WDR47: variants seen among roughly 807,000 people sequenced by gnomAD.
WDR47 encodes WD repeat domain 47, also known as WD repeat-containing protein 47.
In WDR47, 32 loss-of-function variants were observed where a neutral mutation model predicts 97.2. The ratio of observed to expected loss-of-function variants is 0.33; its 90% CI spans 0.25 to 0.44. WDR47 has a LOEUF of 0.44. WDR47 is among the 20% of genes least tolerant of loss of function. WDR47 has a pLI of 1.00. For synonymous variants in WDR47, 375 were observed against 373.5 expected, an observed-to-expected ratio of 1.00 and a Z score of -0.05; for missense variants, 782 against 1,102.3, an observed-to-expected ratio of 0.71 and a Z score of 4.11.
chr1:109,001,810 G>C (rs1660214513), intron 7 of WDR47, among the ~76,000 whole-genome samples: 1 of 152,132 alleles, frequency 6.6e-6, no homozygotes, highest in Non-Finnish European at 1.5e-5. Flanking sequence ...AGGATCACTT[G>C]AGCCCAGGAA....
At chr1:108,986,936 G>T in intron 9 of WDR47, 1 of 309,686 alleles carries the variant, frequency 3.2e-6, no homozygotes, top group Non-Finnish European at 6.3e-6. Flanking sequence ...AAACCACTAA[G>T]ATACTTCCAG....
At chr1:108,986,809 C>T in intron 9 of WDR47, 129 bp from the exon 10 acceptor site, 2 of 748,344 alleles carry the variant, frequency 2.7e-6, no homozygotes, top group Non-Finnish European at 4.2e-6. Context: ...CTGCCAATAA[C>T]CATATATTCT....
intron 1 of WDR47, among the ~76,000 whole-genome samples, chr1:109,029,457 C>T (rs1318627660): frequency 6.6e-6 from 1 of 151,942 alleles, no homozygotes; most frequent in East Asian, 1.9e-4. Flanking sequence ...GTCAGGAGTT[C>T]GAAACCAGCC....
At chr1:108,995,091 CTAA>C (rs536694327) in intron 8 of WDR47, among the ~76,000 whole-genome samples, 371 of 152,282 alleles carry the variant, frequency 2.4e-3, no homozygotes, top group African/African-American at 8.7e-3. Flanking sequence ...CACTTGTATA[CTAA>C]TGATAGCAAG....
chr1:109,029,207 A>C (rs1662439656), intron 1 of WDR47, among the ~76,000 whole-genome samples: 1 of 152,202 alleles, frequency 6.6e-6, no homozygotes, highest in African/African-American at 2.4e-5. Flanking sequence ...TAGAAATCTA[A>C]GATTAAAGGT....
At chr1:108,978,178 T>TA (rs71593456) in intron 13 of WDR47, among the ~76,000 whole-genome samples, 19,639 of 133,808 alleles carry the variant, frequency 0.15, 1,468 homozygotes, top group Middle Eastern at 0.2. Context: ...ATCCTTTAAT[T>TA]AAAAAAAAAA....
Position 109,030,610 on chromosome 1 carries a change from T to TGCAGAAAAGGTAAAGAAAAAAAATTG in WDR47, c.-9-7090_-9-7089insCAATTTTTTTTCTTTACCTTTTCTGC, listed in dbSNP as rs1571256184. On this transcript the variant is annotated intron_variant, in intron 1 of 14. Transcript: ENST00000369962. ...ACAATAAAAACTGCTCTCTTTAATCTTCCAAGTATTACAGAGTGCCTAACA... is the reference window on the plus strand; with the variant it reads ...ACAATAAAAACTGCTCTCTTTAATCTGCAGAAAAGGTAAAGAAAAAAAATTGTCCAAGTATTACAGAGTGCCTAACA... 9.4e-3 allele frequency among the ~76,000 whole-genome samples: 1,349 copies of TGCAGAAAAGGTAAAGAAAAAAAATTG among 143,910 alleles called. 166 individuals carry two copies. The highest frequency in any genetic ancestry group is 0.014 in the Admixed American group (195 of 13,802). 94.4% of individuals were successfully genotyped at this position (143,910 alleles called of 152,430 possible).
intron 1 of WDR47, among the ~76,000 whole-genome samples, chr1:109,037,223 G>C (rs1663017147): frequency 6.6e-6 from 1 of 152,044 alleles, no homozygotes; most frequent in Non-Finnish European, 1.5e-5. Context: ...CAGCTACTAG[G>C]GAGGCTGAGG....
Position 109,042,044 on chromosome 1 carries a change from C to T in WDR47, c.-192G>A, listed in dbSNP as rs979410806. 3 of 152,558 alleles carry T rather than the reference C, an allele frequency of 2.0e-5. No individual in the cohort carries two copies. The highest frequency in any genetic ancestry group is 7.2e-5 in the African/African-American group (3 of 41,462). 9.5% of individuals were successfully genotyped at this position (152,558 alleles called of 1,614,324 possible). ...CAATCCATCAGTTCGTCAATCCGTCCTTCTCACGTCCGCCCCTCCCGGCCC... is the reference window on the plus strand; with the variant it reads ...CAATCCATCAGTTCGTCAATCCGTCTTTCTCACGTCCGCCCCTCCCGGCCC... On this transcript the variant is annotated 5_prime_UTR_variant, in exon 1 of 15. Coordinates refer to ENST00000369962, the MANE Select transcript of WDR47 (RefSeq NM_001142551.2).
chr1:108,987,303 T>A (rs575336303), intron 9 of WDR47: 22 of 155,300 alleles, frequency 1.4e-4, no homozygotes, highest in Non-Finnish European at 2.3e-4. Context: ...TTTCCTTTTT[T>A]AAAAAGTTTT....
chr1:109,018,360 T>C (rs1210286721), intron 2 of WDR47, among the ~76,000 whole-genome samples: 1 of 149,122 alleles, frequency 6.7e-6, no homozygotes, highest in African/African-American at 2.5e-5. Flanking sequence ...AGCTTGAACC[T>C]GGGCGGCAGA....
intron 1 of WDR47, among the ~76,000 whole-genome samples, chr1:109,037,409 T>G (rs1467112120): frequency 6.7e-6 from 1 of 150,062 alleles, no homozygotes; most frequent in Non-Finnish European, 1.5e-5. Context: ...GAGGCCGAGG[T>G]GGGCAGATCA....
chr1:108,971,439 G>T lies in WDR47; in HGVS notation c.2751C>A (p.Tyr917Ter), dbSNP rs150803164. The T allele has an allele frequency of 1.1e-5, 18 of 1,614,094 alleles. No homozygotes were observed. Among genetic ancestry groups the T allele is most frequent in the Non-Finnish European group, 5.1e-6 (6 of 1,180,042 alleles). The change falls in exon 15 of 15, where the codon TAC becomes TAA. Residue 917 changes from tyrosine to a stop codon, truncating the protein, a stop_gained. Coordinates refer to ENST00000369962, the MANE Select transcript of WDR47 (RefSeq NM_001142551.2). LOFTEE classifies it high-confidence loss of function. ...SADRTVTLWTYNG is the reference protein window; with the variant it reads ...SADRTVTLWT Reference sequence around the variant, plus strand: ...TGACATGCGGTGTGCTCTACCCATTGTAAGTCCAGAGGGTGACAGTTCTAT... The same window carrying T: ...TGACATGCGGTGTGCTCTACCCATTTTAAGTCCAGAGGGTGACAGTTCTAT...
chr1:109,019,623 A>C (rs980535032), intron 2 of WDR47, among the ~76,000 whole-genome samples: 2 of 152,162 alleles, frequency 1.3e-5, no homozygotes, highest in African/African-American at 4.8e-5. Context: ...AACAAAGGAC[A>C]ACCCTCCACA....
intron 2 of WDR47, among the ~76,000 whole-genome samples, chr1:109,020,235 GTTT>G (rs1271064037): frequency 6.8e-6 from 1 of 146,136 alleles, no homozygotes; most frequent in African/African-American, 2.5e-5. Context: ...ATATTTAGTT[GTTT>G]TTTTTTTTTT....
chr1:108,974,396 A>C, intron 14 of WDR47, 140 bp downstream of exon 14: 2 of 666,984 alleles, frequency 3.0e-6, no homozygotes, highest in Non-Finnish European at 5.0e-6. Flanking sequence ...TATATATCTT[A>C]ATATAGTCTC....
At chr1:109,023,780 T>C (rs1383957093) in intron 1 of WDR47, among the ~76,000 whole-genome samples, 2 of 152,068 alleles carry the variant, frequency 1.3e-5, no homozygotes, top group Non-Finnish European at 2.9e-5. Flanking sequence ...GTGATTTACA[T>C]GAAAATAATA....
chr1:109,025,789 G>C (rs574633863), intron 1 of WDR47, among the ~76,000 whole-genome samples: 17 of 152,102 alleles, frequency 1.1e-4, no homozygotes, highest in African/African-American at 3.9e-4. Context: ...GTAAACAAGG[G>C]ACAAACCACA....
chr1:109,001,515 G>A (rs1175906803), intron 7 of WDR47, among the ~76,000 whole-genome samples: 1 of 152,166 alleles, frequency 6.6e-6, no homozygotes, highest in Non-Finnish European at 1.5e-5. Flanking sequence ...TTTACAGTGT[G>A]CCAGGTACTG....
Sources: allele counts gnomAD v4.1 joint callset (sites outside exome capture counted in the v4.1 genomes callset), GRCh38; gene constraint gnomAD v4.1.1; transcripts MANE v1.5; gene names NCBI Gene and HGNC (gene_info 2026-07-23, HGNC 2026-07-21).